PACRG: variants seen among roughly 807,000 people sequenced by gnomAD.
The protein encoded by PACRG is parkin coregulated.
A neutral mutation model predicts 29.7 loss-of-function variants in PACRG; 29 were observed. That is an observed-to-expected ratio of 0.98 (90% CI 0.73 to 1.33). The LOEUF (loss-of-function observed/expected upper bound fraction) is 1.33. Ranked by LOEUF, PACRG falls within the 40% of genes most tolerant of loss-of-function variation. The pLI, the probability that PACRG is intolerant of heterozygous loss-of-function variation, is 0.00. For synonymous variants in PACRG, 116 were observed against 118.7 expected, an observed-to-expected ratio of 0.98 and a Z score of 0.15; for missense variants, 279 against 316.2, an observed-to-expected ratio of 0.88 and a Z score of 0.89.
intron 4 of PACRG, among the ~76,000 whole-genome samples, chr6:163,126,100 T>C (rs1816503672): frequency 6.6e-6 from 1 of 152,220 alleles, no homozygotes; most frequent in Non-Finnish European, 1.5e-5. Context: ...AGTAACAGCA[T>C]AGGAAAAAGA....
rs139589122 is a variant in PACRG at position 162,972,850 on chromosome 6, T to C, written c.292-89300T>C. 7.7e-4 allele frequency among the ~76,000 whole-genome samples: 115 copies of C among 149,788 alleles called. 1 individual carries two copies. Among genetic ancestry groups the C allele is most frequent in the African/African-American group, 2.6e-3 (104 of 39,636 alleles). ...TATAAGAGTAAACAATGTGCTCTGA[T>C]AGATGAGAATTCTAAAAAAATGATA... On this transcript the variant is annotated intron_variant, in intron 2 of 4. Transcript: ENST00000366888.
intron 2 of PACRG, among the ~76,000 whole-genome samples, chr6:162,939,545 T>C (rs1344604414): frequency 6.6e-6 from 1 of 152,144 alleles, no homozygotes; most frequent in East Asian, 1.9e-4. Context: ...TTTTGGTGTT[T>C]TTCTTTATTC....
chr6:162,798,771 C>A (rs190021498), intron 1 of PACRG, among the ~76,000 whole-genome samples: 6 of 152,122 alleles, frequency 3.9e-5, no homozygotes, highest in Admixed American at 2.0e-4. Flanking sequence ...ATTTAAAAAT[C>A]AAAAATACAG....
At chr6:163,251,074 C>T (rs978946161) in intron 4 of PACRG, among the ~76,000 whole-genome samples, 1 of 151,650 alleles carries the variant, frequency 6.6e-6, no homozygotes. Context: ...AATGCAAAGG[C>T]ATAAGAATGA....
At chr6:162,816,197 G>A (rs1449234400) in intron 2 of PACRG, among the ~76,000 whole-genome samples, 1 of 152,050 alleles carries the variant, frequency 6.6e-6, no homozygotes, top group Non-Finnish European at 1.5e-5. Context: ...GTAATAAAAA[G>A]AAGAAACAAT....
rs573261376 is a variant in PACRG, at chr6:162,836,409, G to T, written c.291+22128G>T. Reference sequence around the variant, plus strand: ...AATATCCATAACTGTTGCTTGGCGCGTTGGCCCAGAGGGGTGAGGTAGGAA... The same window carrying T: ...AATATCCATAACTGTTGCTTGGCGCTTTGGCCCAGAGGGGTGAGGTAGGAA... On this transcript the variant is annotated intron_variant, in intron 2 of 4. Transcript: ENST00000366888. Among the ~76,000 whole-genome samples the T allele has an allele frequency of 1.4e-4, 22 of 152,144 alleles. No individual in the cohort carries two copies. In the South Asian group the frequency reaches 4.4e-3, roughly 30 times the overall value.
intron 1 of PACRG, among the ~76,000 whole-genome samples, chr6:162,783,268 A>G (rs1784226242): frequency 6.6e-6 from 1 of 151,998 alleles, no homozygotes; most frequent in South Asian, 2.1e-4. Flanking sequence ...CATTTGAGCT[A>G]ATCTAATTCA....
chr6:163,228,445 G>A lies in PACRG; in HGVS notation c.614-86382G>A, dbSNP rs188575149. Among the ~76,000 whole-genome samples, 222 of 150,746 alleles carry A rather than the reference G, an allele frequency of 1.5e-3. 1 individual carries two copies. Among genetic ancestry groups the A allele is most frequent in the African/African-American group, 4.9e-3 (201 of 41,000 alleles). On this transcript the variant is annotated intron_variant, in intron 4 of 4. Transcript: ENST00000366888. Reference sequence around the variant, plus strand: ...CCTAGAAGAGTACCTGGCACACAGCGGAGGCTCAACATGTGCTGGATTAAT... The same window carrying A: ...CCTAGAAGAGTACCTGGCACACAGCAGAGGCTCAACATGTGCTGGATTAAT...
intron 4 of PACRG, among the ~76,000 whole-genome samples, chr6:163,281,815 ATG>A (rs1784235381): frequency 6.6e-6 from 1 of 152,194 alleles, no homozygotes; most frequent in African/African-American, 2.4e-5. Flanking sequence ...AGGAAAAGGA[ATG>A]AGGCCCACCC....
chr6:163,199,437 C>T (rs1351781901), intron 4 of PACRG, among the ~76,000 whole-genome samples: 2 of 152,174 alleles, frequency 1.3e-5, no homozygotes, highest in Non-Finnish European at 2.9e-5. Context: ...TTCATTCCTT[C>T]AAGGCTCATG....
chr6:162,909,850 A>C (rs1796189376), intron 2 of PACRG, among the ~76,000 whole-genome samples: 1 of 152,238 alleles, frequency 6.6e-6, no homozygotes, highest in African/African-American at 2.4e-5. Flanking sequence ...GATTGAATGA[A>C]TGGTTGATGA....
chr6:162,727,958 G>A, upstream of PACRG: 1 of 596,740 alleles, frequency 1.7e-6, no homozygotes, highest in Non-Finnish European at 3.0e-6. Flanking sequence ...CTATGCGCCC[G>A]CCGTGTTGAC....
At chr6:163,090,250 A>AT (rs1813979044) in intron 4 of PACRG, 1 of 152,122 alleles carries the variant, frequency 6.6e-6, no homozygotes, top group African/African-American at 2.4e-5. Flanking sequence ...TGGAATCACT[A>AT]TTTTTTATAT....
chr6:162,906,543 T>G (rs2128067939), intron 2 of PACRG, among the ~76,000 whole-genome samples: 1 of 152,304 alleles, frequency 6.6e-6, no homozygotes, highest in Admixed American at 6.5e-5. Context: ...GACAGAAAAC[T>G]TAATATTGGT....
chr6:163,262,881 T>C (rs1783383606), intron 4 of PACRG, among the ~76,000 whole-genome samples: 1 of 134,182 alleles, frequency 7.5e-6, no homozygotes, highest in African/African-American at 2.7e-5. Flanking sequence ...CCCCCCCATG[T>C]CAACTAAAAA....
At chr6:163,305,668 A>T (rs1246290517) in intron 4 of PACRG, among the ~76,000 whole-genome samples, 1 of 152,194 alleles carries the variant, frequency 6.6e-6, no homozygotes, top group Non-Finnish European at 1.5e-5. Flanking sequence ...AGTCCTTGAA[A>T]TCAGTCGGCC....
chr6:163,102,080 AAT>A (rs1815124755), intron 4 of PACRG, among the ~76,000 whole-genome samples: 1 of 152,134 alleles, frequency 6.6e-6, no homozygotes, highest in Non-Finnish European at 1.5e-5. Context: ...AACCTGAATC[AAT>A]GTGTACAGCC....
chr6:163,244,235 G>T (rs1477859740), intron 4 of PACRG, among the ~76,000 whole-genome samples: 2 of 151,980 alleles, frequency 1.3e-5, no homozygotes, highest in Non-Finnish European at 1.5e-5. Context: ...TTTCCTAAAA[G>T]AAAAGCTTTC....
At chr6:162,948,801 G>A (rs756647334) in intron 2 of PACRG, among the ~76,000 whole-genome samples, 1 of 151,964 alleles carries the variant, frequency 6.6e-6, no homozygotes. Context: ...ACGTCACTAA[G>A]TATTGGGGAA....
Sources: allele counts gnomAD v4.1 joint callset (sites outside exome capture counted in the v4.1 genomes callset), GRCh38; gene constraint gnomAD v4.1.1; transcripts MANE v1.5; gene names NCBI Gene and HGNC (gene_info 2026-07-23, HGNC 2026-07-21).